The following ARL13B variants were observed in gnomAD, a reference collection of about 807,000 sequenced individuals.
ARL13B encodes ADP-ribosylation factor-like protein 13B.
ARL13B carries 36 observed loss-of-function variants against 56.1 expected under a neutral mutation model. That is an observed-to-expected ratio of 0.64 (90% CI 0.49 to 0.85). ARL13B has a LOEUF of 0.85. Ranked by LOEUF, ARL13B falls within the 40% of genes least tolerant of loss-of-function variation. The pLI is 0.00. For missense variants in ARL13B, 519 were observed against 507.1 expected (o/e 1.02, Z -0.23); for synonymous variants, 178 against 171.1 (o/e 1.04, Z -0.32).
intron 9 of ARL13B, among the ~76,000 whole-genome samples, 156 bp downstream of exon 9, chr3:94,051,048 A>AG (rs2077059308): frequency 1.3e-5 from 2 of 151,920 alleles, no homozygotes; most frequent in Non-Finnish European, 2.9e-5. Flanking sequence ...ATTTTATTTA[A>AG]TTTTTTATTC....
chr3:93,995,989 T>C, intron 2 of ARL13B, 45 bp downstream of exon 2: 1 of 1,560,090 alleles, frequency 6.4e-7, no homozygotes, highest in Non-Finnish European at 8.8e-7. Context: ...TATTAAATTA[T>C]TCTGAATTAT....
At chr3:93,995,078 T>C (rs537859742) in intron 1 of ARL13B, among the ~76,000 whole-genome samples, 6 of 152,270 alleles carry the variant, frequency 3.9e-5, no homozygotes, top group South Asian at 4.1e-4. Flanking sequence ...TCACCTGTTA[T>C]ATTGTGCAGA....
chr3:93,980,566 C>G, intron 1 of ARL13B, 84 bp downstream of exon 1: 1 of 1,551,586 alleles, frequency 6.4e-7, no homozygotes. Flanking sequence ...TTTCCCCGCG[C>G]CTGGACGAGT....
chr3:94,010,292 G>T (rs1345281438), intron 3 of ARL13B, among the ~76,000 whole-genome samples: 2 of 152,066 alleles, frequency 1.3e-5, no homozygotes, highest in African/African-American at 4.8e-5. Flanking sequence ...TTTCACTAGT[G>T]TTCTGTAAAT....
intron 3 of ARL13B, among the ~76,000 whole-genome samples, chr3:94,007,367 C>T (rs2076152536): frequency 6.6e-6 from 1 of 152,244 alleles, no homozygotes. Flanking sequence ...TGCTCCTACA[C>T]ACAAGCCTGA....
chr3:94,028,839 C>T (rs1013458435), intron 3 of ARL13B, among the ~76,000 whole-genome samples: 3 of 152,076 alleles, frequency 2.0e-5, no homozygotes, highest in African/African-American at 7.2e-5. Flanking sequence ...TCAAAACTTA[C>T]TAAAAATATG....
intron 3 of ARL13B, among the ~76,000 whole-genome samples, chr3:94,027,355 C>T (rs2107054235): frequency 6.6e-6 from 1 of 151,912 alleles, no homozygotes; most frequent in East Asian, 1.9e-4. Context: ...ACTTTTTTTG[C>T]AATGTAAACT....
intron 1 of ARL13B, among the ~76,000 whole-genome samples, chr3:93,986,749 A>G (rs560376175): frequency 9.9e-5 from 15 of 152,278 alleles, no homozygotes; most frequent in Admixed American, 6.5e-5. Flanking sequence ...TGGATGGATC[A>G]GTTGAGGTCA....
At chr3:94,051,302 A>G (rs951906818) in intron 9 of ARL13B, among the ~76,000 whole-genome samples, 1 of 151,996 alleles carries the variant, frequency 6.6e-6, no homozygotes, top group Non-Finnish European at 1.5e-5. Context: ...TTTTCTCTCT[A>G]CTCCTAATAA....
chr3:94,022,499 A>G (rs1204983375), intron 3 of ARL13B, among the ~76,000 whole-genome samples: 1 of 151,760 alleles, frequency 6.6e-6, no homozygotes, highest in Non-Finnish European at 1.5e-5. Flanking sequence ...TCACACCCCC[A>G]TTCTTCCCTC....
rs555792435 is a variant in ARL13B at position 93,980,428 on chromosome 3, T to C, written c.5T>C (p.Phe2Ser). The change falls in exon 1 of 10, where the codon TTC becomes TCC. Residue 2 changes from phenylalanine (F) to serine (S), a missense_variant. Phe to Ser is a radical substitution (Grantham distance 155, BLOSUM62 -2). Transcript: ENST00000394222. ...TGGTGGGAGGAGCGACCCGGGATGT[T>C]CAGTCTGATGGCCAGTTGCTGCGGC... M[F>S]SLMASCCGWF... 5 of 1,612,562 alleles carry C rather than the reference T, an allele frequency of 3.1e-6. No individual in the cohort carries two copies. Among genetic ancestry groups the C allele is most frequent in the Non-Finnish European group, 4.2e-6 (5 of 1,179,966 alleles).
chr3:94,032,466 A>G lies in ARL13B; in HGVS notation c.381-2865A>G, dbSNP rs182570561. The stretch of plus-strand genomic sequence containing the variant: ...ATACACTCTTGGAATGTAAATTAGT[A>G]CAATCACTATGGAAAACAGTATGGA... On this transcript the variant is annotated intron_variant, in intron 3 of 9. Coordinates refer to ENST00000394222, the MANE Select transcript of ARL13B (RefSeq NM_001174150.2). 2.4e-4 allele frequency among the ~76,000 whole-genome samples: 36 copies of G among 152,342 alleles called. 1 individual carries two copies. The East Asian group carries it at 6.9e-3, about 29-fold the overall frequency.
At chr3:94,020,282 G>A (rs998947469) in intron 3 of ARL13B, among the ~76,000 whole-genome samples, 1 of 152,122 alleles carries the variant, frequency 6.6e-6, no homozygotes, top group Non-Finnish European at 1.5e-5. Flanking sequence ...GGCACTAAGT[G>A]TGTTTTATGT....
intron 3 of ARL13B, among the ~76,000 whole-genome samples, chr3:94,031,634 T>C (rs1321069273): frequency 1.3e-5 from 2 of 152,172 alleles, no homozygotes; most frequent in African/African-American, 4.8e-5. Flanking sequence ...TTTAAATCCA[T>C]AAGTTCATAA....
At chr3:93,995,737 A>G (rs933933915) in intron 1 of ARL13B, 137 bp from the exon 2 acceptor site, 9 of 714,952 alleles carry the variant, frequency 1.3e-5, no homozygotes, top group African/African-American at 1.1e-4. Context: ...TCATCATTGT[A>G]CTCCCTAGCA....
chr3:93,992,826 T>A (rs1320732198), intron 1 of ARL13B, among the ~76,000 whole-genome samples: 1 of 152,164 alleles, frequency 6.6e-6, no homozygotes, highest in Non-Finnish European at 1.5e-5. Flanking sequence ...AGCATCTCAC[T>A]CTGTTGCCCA....
intron 1 of ARL13B, among the ~76,000 whole-genome samples, chr3:93,984,494 T>A (rs1710358334): frequency 6.6e-6 from 1 of 152,146 alleles, no homozygotes; most frequent in Non-Finnish European, 1.5e-5. Context: ...TTGGTCTTAC[T>A]GTCTCAGGAA....
chr3:94,049,031 C>A (rs996663104), intron 7 of ARL13B, among the ~76,000 whole-genome samples: 2 of 152,088 alleles, frequency 1.3e-5, no homozygotes, highest in Non-Finnish European at 2.9e-5. Flanking sequence ...ATCAAATATA[C>A]TGAGTGACAC....
At chr3:94,023,387 G>T (rs2076489753) in intron 3 of ARL13B, among the ~76,000 whole-genome samples, 1 of 151,428 alleles carries the variant, frequency 6.6e-6, no homozygotes, top group South Asian at 2.1e-4. Flanking sequence ...CTGGTGTTCT[G>T]AAATTTCACA....
Sources: gnomAD v4.1 joint callset for allele counts (sites outside exome capture counted in the v4.1 genomes callset) on GRCh38, gnomAD v4.1.1 for gene constraint, MANE v1.5 for transcripts, NCBI Gene and HGNC (gene_info 2026-07-23, HGNC 2026-07-21) for gene names.